The following PPM1E variants were observed in gnomAD, a reference collection of about 807,000 sequenced individuals.
The protein encoded by PPM1E is protein phosphatase, Mg2+/Mn2+ dependent 1E.
Under a neutral mutation model 65.9 loss-of-function variants are expected in PPM1E, and 20 were observed. That is an observed-to-expected ratio of 0.30 (90% confidence interval 0.21 to 0.44). The LOEUF is 0.44. Among genes scored for constraint, PPM1E ranks in the 20% least tolerant of loss-of-function variants. The probability of loss-of-function intolerance (pLI) is 1.00; values close to 1 mark genes in which losing one functional copy is unlikely to be tolerated. For missense variants in PPM1E, 713 were observed against 953.1 expected (o/e 0.75, Z 3.32); for synonymous variants, 352 against 374.9 (o/e 0.94, Z 0.70).
chr17:58,896,877 C>T (rs2051424910), intron 1 of PPM1E, among the ~76,000 whole-genome samples: 1 of 152,146 alleles, frequency 6.6e-6, no homozygotes, highest in Non-Finnish European at 1.5e-5. Flanking sequence ...TTCAAAGCTT[C>T]AAAGGACAGG....
At chr17:58,967,807 T>C (rs1045663114) in intron 3 of PPM1E, among the ~76,000 whole-genome samples, 7 of 151,476 alleles carry the variant, frequency 4.6e-5, no homozygotes, top group African/African-American at 9.7e-5. Context: ...TTATTTCTTT[T>C]TTTTTTTTTT....
intron 1 of PPM1E, among the ~76,000 whole-genome samples, chr17:58,791,371 A>G (rs1342967409): frequency 6.6e-6 from 1 of 152,194 alleles, no homozygotes; most frequent in Admixed American, 6.5e-5. Context: ...ATGGCAACAT[A>G]CAATTGTTTA....
chr17:58,892,256 C>T (rs2051356915), intron 1 of PPM1E, among the ~76,000 whole-genome samples: 1 of 152,138 alleles, frequency 6.6e-6, no homozygotes, highest in Admixed American at 6.5e-5. Flanking sequence ...AATTAGGATA[C>T]ATGCTTGTGT....
chr17:58,817,654 A>G (rs1286256913), intron 1 of PPM1E, among the ~76,000 whole-genome samples: 1 of 152,204 alleles, frequency 6.6e-6, no homozygotes, highest in Non-Finnish European at 1.5e-5. Context: ...AACAGTTAAC[A>G]CTAGGGACTC....
chr17:58,901,641 C>T (rs892198641), intron 1 of PPM1E, among the ~76,000 whole-genome samples: 1 of 151,806 alleles, frequency 6.6e-6, no homozygotes, highest in Non-Finnish European at 1.5e-5. Flanking sequence ...CCCCGCTGCA[C>T]TCCAGCCTGG....
intron 1 of PPM1E, among the ~76,000 whole-genome samples, chr17:58,934,650 G>A (rs1175227603): frequency 1.3e-5 from 2 of 152,130 alleles, no homozygotes; most frequent in Non-Finnish European, 2.9e-5. Flanking sequence ...TGGTGTGGCC[G>A]GGCACAATGG....
chr17:58,805,980 A>C (rs372828891), intron 1 of PPM1E, among the ~76,000 whole-genome samples: 2,051 of 107,824 alleles, frequency 0.019, 69 homozygotes, highest in Non-Finnish European at 0.023. Flanking sequence ...AAAACAAAAA[A>C]AAAACAAAAC....
At chr17:58,878,997 A>G (rs1364638456) in intron 1 of PPM1E, among the ~76,000 whole-genome samples, 1 of 151,674 alleles carries the variant, frequency 6.6e-6, no homozygotes. Flanking sequence ...CTTGCCATTT[A>G]TTTTTCCTCC....
chr17:58,923,746 C>CAA (rs531852494), intron 1 of PPM1E, among the ~76,000 whole-genome samples: 5 of 62,368 alleles, frequency 8.0e-5, no homozygotes, highest in East Asian at 4.8e-4. Context: ...GACTTCGTCT[C>CAA]AAAAAAAAAA....
intron 1 of PPM1E, among the ~76,000 whole-genome samples, chr17:58,891,634 A>G (rs2051346186): frequency 6.6e-6 from 1 of 151,996 alleles, no homozygotes; most frequent in Non-Finnish European, 1.5e-5. Context: ...GATATATATC[A>G]TTTTAATGAG....
At chr17:58,775,018 A>G (rs1000641430) in intron 1 of PPM1E, among the ~76,000 whole-genome samples, 3 of 152,076 alleles carry the variant, frequency 2.0e-5, no homozygotes, top group Non-Finnish European at 4.4e-5. Flanking sequence ...AGGCCCAGCT[A>G]ATTTTTGTAG....
At chr17:58,925,184 A>T (rs903843961) in intron 1 of PPM1E, among the ~76,000 whole-genome samples, 1 of 151,858 alleles carries the variant, frequency 6.6e-6, no homozygotes, top group Non-Finnish European at 1.5e-5. Flanking sequence ...ACTAATTTAC[A>T]CTCCCACCAA....
intron 1 of PPM1E, among the ~76,000 whole-genome samples, chr17:58,950,628 C>CT (rs1052574215): frequency 3.9e-4 from 59 of 150,830 alleles, no homozygotes; most frequent in Admixed American, 5.9e-4. Flanking sequence ...TCTTTTCTTT[C>CT]TTTTTTTTTC....
chr17:58,929,538 T>TTTAATAACCAA (rs2051866097), intron 1 of PPM1E, among the ~76,000 whole-genome samples: 1 of 152,216 alleles, frequency 6.6e-6, no homozygotes, highest in Admixed American at 6.5e-5. Flanking sequence ...TGCTTTAATA[T>TTTAATAACCAA]GCATGAGAAA....
At chr17:58,910,895 C>T (rs758346190) in intron 1 of PPM1E, among the ~76,000 whole-genome samples, 18 of 152,108 alleles carry the variant, frequency 1.2e-4, no homozygotes, top group Non-Finnish European at 2.4e-4. Flanking sequence ...GGTGCTCTGC[C>T]GCATTTCAAC....
At chr17:58,848,876 G>T (rs1413019157) in intron 1 of PPM1E, among the ~76,000 whole-genome samples, 1 of 152,190 alleles carries the variant, frequency 6.6e-6, no homozygotes, top group Non-Finnish European at 1.5e-5. Context: ...AGCTCTGGTA[G>T]AATTCAGCTG....
chr17:58,904,358 G>C (rs1435155344), intron 1 of PPM1E, among the ~76,000 whole-genome samples: 1 of 152,078 alleles, frequency 6.6e-6, no homozygotes, highest in East Asian at 1.9e-4. Context: ...TCAGAGGCTG[G>C]GGAAATGATT....
chr17:58,815,618 G>A (rs1385924040), intron 1 of PPM1E, among the ~76,000 whole-genome samples: 3 of 151,968 alleles, frequency 2.0e-5, no homozygotes, highest in East Asian at 1.9e-4. Context: ...TTTTTCCCTC[G>A]GTGCTTTGAA....
chr17:58,924,319 G>T (rs2051795889), intron 1 of PPM1E, among the ~76,000 whole-genome samples: 1 of 151,994 alleles, frequency 6.6e-6, no homozygotes, highest in African/African-American at 2.4e-5. Flanking sequence ...AAGGAAAGGT[G>T]GAAGGAAAAA....
Sources: allele counts gnomAD v4.1 joint callset (sites outside exome capture counted in the v4.1 genomes callset), GRCh38; gene constraint gnomAD v4.1.1; transcripts MANE v1.5; gene names NCBI Gene and HGNC (gene_info 2026-07-23, HGNC 2026-07-21).